The following CNBD1 variants were observed in gnomAD, a reference collection of about 807,000 sequenced individuals.
CNBD1 encodes the protein cyclic nucleotide binding domain containing 1.
A neutral mutation model predicts 54.4 loss-of-function variants in CNBD1; 71 were observed. The observed-to-expected ratio is 1.30, with a 90% CI of 1.08 to 1.59. CNBD1 has a LOEUF of 1.59. Among genes scored for constraint, CNBD1 ranks in the 40% most tolerant of loss-of-function variants. The probability of loss-of-function intolerance (pLI) is 0.00; values close to 1 mark genes in which losing one functional copy is unlikely to be tolerated. For synonymous variants in CNBD1, 182 were observed against 170.7 expected, an observed-to-expected ratio of 1.07 and a Z score of -0.51; for missense variants, 659 against 518.0, an observed-to-expected ratio of 1.27 and a Z score of -2.64.
chr8:87,257,368 G>C (rs1270640925), intron 6 of CNBD1, among the ~76,000 whole-genome samples: 1 of 63,658 alleles, frequency 1.6e-5, no homozygotes, highest in Non-Finnish European at 2.9e-5. Context: ...AAACTCTATC[G>C]CAAAAAAAAA....
chr8:87,126,102 G>C (rs1227868604), intron 4 of CNBD1, among the ~76,000 whole-genome samples: 1 of 151,848 alleles, frequency 6.6e-6, no homozygotes, highest in African/African-American at 2.4e-5. Flanking sequence ...ATTGTTTATA[G>C]TTTCTGGCTA....
rs6150689 is a variant in CNBD1 at position 87,411,397 on chromosome 8, CATATATAT to C, written c.214-17126_214-17119del. On this transcript the variant is annotated intron_variant, in intron 2 of 7. Transcript: ENST00000521593. ...ATAGGCAGGATTAACCTAGCTATAT[CATATATAT>C]ATATATATATATATATATATATTTC... Among the ~76,000 whole-genome samples the C allele has an allele frequency of 3.4e-4, 31 of 92,402 alleles. 2 individuals are homozygous for C. Among genetic ancestry groups the C allele is most frequent in the East Asian group, 1.2e-3 (2 of 1,696 alleles). 60.6% of individuals were successfully genotyped at this position (92,402 alleles called of 152,430 possible).
chr8:87,367,038 C>T (rs1344616792), intron 10 of CNBD1, among the ~76,000 whole-genome samples: 2 of 152,002 alleles, frequency 1.3e-5, no homozygotes, highest in African/African-American at 4.8e-5. Context: ...CAGATTTCCT[C>T]TGCTGAGGGT....
At position 87,001,111 on chromosome 8, in the gene CNBD1, C is replaced by T. The variant is rs190325184; in HGVS notation, c.431+61357C>T. ...CTTTCTATTATTCTCTATCTTATGT[C>T]TTCATTCTTTTTTTCTTAAGCCTTT... On this transcript the variant is annotated intron_variant, in intron 4 of 10. Coordinates refer to ENST00000518476, the MANE Select transcript of CNBD1 (RefSeq NM_173538.3). 1.4e-3 allele frequency among the ~76,000 whole-genome samples: 206 copies of T among 152,084 alleles called. 1 individual carries two copies. The highest frequency in any genetic ancestry group is 0.01 in the Middle Eastern group (3 of 290).
chr8:87,256,833 G>T (rs1563526515), intron 6 of CNBD1, among the ~76,000 whole-genome samples: 1 of 151,382 alleles, frequency 6.6e-6, no homozygotes, highest in African/African-American at 2.4e-5. Flanking sequence ...TCAGTTGTGA[G>T]ATTATGAATC....
At chr8:87,388,415 G>T (rs1401409945) in intron 2 of CNBD1, among the ~76,000 whole-genome samples, 1 of 151,682 alleles carries the variant, frequency 6.6e-6, no homozygotes, top group Non-Finnish European at 1.5e-5. Flanking sequence ...ATGATAAAGG[G>T]GATATCACCA....
intron 4 of CNBD1, among the ~76,000 whole-genome samples, chr8:87,078,712 A>C (rs1810925115): frequency 6.6e-6 from 1 of 152,178 alleles, no homozygotes; most frequent in Admixed American, 6.5e-5. Flanking sequence ...GGAAAAGAAA[A>C]TTAGGGAGAT....
Position 87,262,648 on chromosome 8 carries a change from G to A in CNBD1, c.772-22030G>A, listed in dbSNP as rs369028245. ...TTTTCTGGAGAACCTTGACTAATATGCCTGCTTTGAAGAATTCCTAGTCTA... is the reference window on the plus strand; with the variant it reads ...TTTTCTGGAGAACCTTGACTAATATACCTGCTTTGAAGAATTCCTAGTCTA... On this transcript the variant is annotated intron_variant, in intron 6 of 10. Coordinates refer to ENST00000518476, the MANE Select transcript of CNBD1 (RefSeq NM_173538.3). Among the ~76,000 whole-genome samples, 22 of 152,236 alleles carry A rather than the reference G, an allele frequency of 1.4e-4. No individual in the cohort carries two copies. In the East Asian group the frequency reaches 4.1e-3, roughly 28 times the overall value.
chr8:87,167,292 C>A (rs779809813), intron 4 of CNBD1, among the ~76,000 whole-genome samples: 1 of 151,878 alleles, frequency 6.6e-6, no homozygotes, highest in Admixed American at 6.6e-5. Flanking sequence ...ATATCGAACA[C>A]CTCAAACATT....
chr8:87,255,007 C>G (rs1230935878), intron 6 of CNBD1, among the ~76,000 whole-genome samples: 1 of 151,890 alleles, frequency 6.6e-6, no homozygotes, highest in African/African-American at 2.4e-5. Flanking sequence ...ATTTTTACTA[C>G]CTGATCTTTA....
At position 87,168,083 on chromosome 8, in the gene CNBD1, A is replaced by G. The variant is rs192342622; in HGVS notation, c.432-37910A>G. 2.9e-3 allele frequency among the ~76,000 whole-genome samples: 446 copies of G among 152,160 alleles called. 4 individuals are homozygous for G. The highest frequency in any genetic ancestry group is 0.01 in the African/African-American group (423 of 41,566). Reference sequence around the variant, plus strand: ...CTCATGGGATCACTGCTATATGTGTATCCCATCATTGACCAAAATGTTGTT... The same window carrying G: ...CTCATGGGATCACTGCTATATGTGTGTCCCATCATTGACCAAAATGTTGTT... On this transcript the variant is annotated intron_variant, in intron 4 of 10. Coordinates refer to ENST00000518476, the MANE Select transcript of CNBD1 (RefSeq NM_173538.3).
chr8:87,094,518 G>A (rs1056625607), intron 4 of CNBD1, among the ~76,000 whole-genome samples: 4 of 149,776 alleles, frequency 2.7e-5, no homozygotes, highest in Admixed American at 2.0e-4. Flanking sequence ...AAGGACTGCT[G>A]TATTGTCATG....
intron 4 of CNBD1, among the ~76,000 whole-genome samples, chr8:87,074,056 G>A (rs545934063): frequency 1.8e-4 from 27 of 150,168 alleles, no homozygotes; most frequent in South Asian, 6.3e-4. Context: ...AGCCGAGATC[G>A]CGCCACTGCA....
chr8:87,262,265 A>G (rs1333342233), intron 6 of CNBD1, among the ~76,000 whole-genome samples: 2 of 152,218 alleles, frequency 1.3e-5, no homozygotes, highest in African/African-American at 4.8e-5. Context: ...AAAACATAAG[A>G]TTAAGTTTCA....
chr8:86,978,267 A>G (rs1030300368), intron 4 of CNBD1, among the ~76,000 whole-genome samples: 50 of 152,194 alleles, frequency 3.3e-4, no homozygotes, highest in African/African-American at 1.1e-3. Context: ...GCCAATTTCT[A>G]TGTTGACTTT....
At chr8:86,963,039 G>A (rs1807972945) in intron 4 of CNBD1, among the ~76,000 whole-genome samples, 1 of 152,144 alleles carries the variant, frequency 6.6e-6, no homozygotes, top group South Asian at 2.1e-4. Flanking sequence ...TCTGGAAAGA[G>A]GAGTAAAAGG....
At chr8:87,331,086 A>G (rs549740230) in intron 8 of CNBD1, among the ~76,000 whole-genome samples, 133 of 152,256 alleles carry the variant, frequency 8.7e-4, no homozygotes, top group African/African-American at 3.0e-3. Flanking sequence ...TCGAGGATAC[A>G]TGTGCAGAAC....
At chr8:86,870,518 G>A (rs2453440) in intron 1 of CNBD1, among the ~76,000 whole-genome samples, 32,375 of 151,922 alleles carry the variant, frequency 0.21, 3,881 homozygotes, top group African/African-American at 0.33. Flanking sequence ...ACTCTTAAGC[G>A]AATGTTTTTC....
chr8:87,261,962 A>G lies in CNBD1; in HGVS notation c.772-22716A>G, dbSNP rs140538510. 1.7e-3 allele frequency among the ~76,000 whole-genome samples: 261 copies of G among 150,364 alleles called. 10 individuals carry two copies. In the East Asian group the frequency reaches 0.046, roughly 26 times the overall value. On this transcript the variant is annotated intron_variant, in intron 6 of 10. Transcript: ENST00000518476. ...GGAGTTCAAGACTAGTCTGGCCAAC[A>G]TGGCAAAACTCTGTCTTTACAAAAA... is the stretch of plus-strand genomic sequence containing the variant.
Sources: gnomAD v4.1 joint callset for allele counts (sites outside exome capture counted in the v4.1 genomes callset) on GRCh38, gnomAD v4.1.1 for gene constraint, MANE v1.5 for transcripts, NCBI Gene and HGNC (gene_info 2026-07-23, HGNC 2026-07-21) for gene names.